CDH23: variants seen among roughly 807,000 people sequenced by gnomAD.
CDH23 encodes the protein cadherin-23.
A neutral mutation model predicts 317.1 loss-of-function variants in CDH23; 189 were observed. The observed-to-expected ratio is 0.60, with a 90% CI of 0.53 to 0.67. The LOEUF (loss-of-function observed/expected upper bound fraction) is 0.67, where lower values mean the gene tolerates loss of function less well. Ranked by LOEUF, CDH23 falls within the 30% of genes least tolerant of loss-of-function variation. The pLI, the probability that CDH23 is intolerant of heterozygous loss-of-function variation, is 0.00. For synonymous variants in CDH23, 1,839 were observed against 1,876.8 expected, an observed-to-expected ratio of 0.98 and a Z score of 0.52; for missense variants, 4,401 against 4,592.4, an observed-to-expected ratio of 0.96 and a Z score of 1.20.
chr10:71,415,679 A>T (rs1462425348), intron 1 of CDH23, among the ~76,000 whole-genome samples: 1 of 152,152 alleles, frequency 6.6e-6, no homozygotes, highest in Admixed American at 6.5e-5. Context: ...TTAGTATGTC[A>T]CAAATTTTGA....
At chr10:71,632,964 T>A (rs1862086436) in intron 11 of CDH23, among the ~76,000 whole-genome samples, 1 of 152,094 alleles carries the variant, frequency 6.6e-6, no homozygotes, top group South Asian at 2.1e-4. Flanking sequence ...AGGGCCCTCT[T>A]GCTGGTGGGG....
In CDH23 at chr10:71,646,471, G is replaced by A. The variant is rs747400662; in HGVS notation, c.1303G>A (p.Glu435Lys). 1 of 1,613,852 alleles carries A rather than the reference G, an allele frequency of 6.2e-7. No homozygotes were observed. Among genetic ancestry groups the A allele is most frequent in the Non-Finnish European group, 8.5e-7 (1 of 1,179,842 alleles). Residue 435 changes from glutamate to lysine, a missense_variant, in exon 14 of 70, where the codon GAG (glutamate) becomes AAG (lysine). By Grantham distance (56) the Glu-to-Lys change is moderately conservative. This residue lies in a region of CDH23 where 3,068 missense variants were observed against 3,203.3 expected (regional missense o/e 0.96). Transcript: ENST00000224721. Reference sequence around the variant, plus strand: ...TCTGCACCCCCAGCTCTTTGCCAATGAGAGTGTGCCTGACCATGTGGGCTA... The same window carrying A: ...TCTGCACCCCCAGCTCTTTGCCAATAAGAGTGTGCCTGACCATGTGGGCTA... ...DRYDFDLFANESVPDHVGYAK... is the reference protein window; with the variant it reads ...DRYDFDLFANKSVPDHVGYAK...
intron 9 of CDH23, among the ~76,000 whole-genome samples, chr10:71,602,418 C>T (rs1388573715): frequency 6.6e-6 from 1 of 152,160 alleles, no homozygotes; most frequent in Non-Finnish European, 1.5e-5. Flanking sequence ...AAGGCAAAGT[C>T]ACTTGCCCAA....
intron 1 of CDH23, among the ~76,000 whole-genome samples, chr10:71,431,441 T>C (rs2131981857): frequency 6.6e-6 from 1 of 152,298 alleles, no homozygotes; most frequent in East Asian, 1.9e-4. Context: ...GCCTGGATAG[T>C]GTGGGCTTTG....
Position 71,446,307 on chromosome 10 carries a change from C to CT in CDH23, c.68-10dup. On this transcript the variant is annotated splice_polypyrimidine_tract_variant and intron_variant, in intron 2 of 69. Transcript: ENST00000224721. ...GGTACTTGGCTGACGCTCTTGTCCT[C>CT]TGACTTCCAGGCCAGGTGAACCGGC... 1 of 1,614,002 alleles carries CT rather than the reference C, an allele frequency of 6.2e-7. No homozygotes were observed. Among genetic ancestry groups the CT allele is most frequent in the Non-Finnish European group, 8.5e-7 (1 of 1,179,828 alleles).
chr10:71,509,139 T>G (rs1468168087), intron 3 of CDH23, among the ~76,000 whole-genome samples: 1 of 152,222 alleles, frequency 6.6e-6, no homozygotes, highest in Non-Finnish European at 1.5e-5. Context: ...GGATGGGAAC[T>G]AGACCTTGTC....
intron 26 of CDH23, chr10:71,707,347 T>G (rs1564746139): frequency 1.4e-6 from 2 of 1,401,932 alleles, no homozygotes; most frequent in Non-Finnish European, 1.9e-6. Context: ...CCATGATTCC[T>G]AGGGAGGAGC....
intron 15 of CDH23, among the ~76,000 whole-genome samples, chr10:71,675,394 G>A (rs1052316646): frequency 2.0e-5 from 3 of 152,188 alleles, no homozygotes; most frequent in African/African-American, 7.2e-5. Context: ...CTGGGGCACA[G>A]CTTATCTGAC....
intron 6 of CDH23, chr10:71,512,156 C>T (rs1854028019): frequency 6.6e-6 from 1 of 152,178 alleles, no homozygotes; most frequent in Non-Finnish European, 1.5e-5. Context: ...TGCCCGAGGT[C>T]GCACAGCTTT....
intron 46 of CDH23, 94 bp downstream of exon 46, chr10:71,790,507 C>A: frequency 1.4e-6 from 2 of 1,481,044 alleles, no homozygotes; most frequent in Admixed American, 2.0e-5. Flanking sequence ...CAGTGCTGGA[C>A]CCAGGCTGTC....
At chr10:71,481,383 C>A (rs1852055901) in intron 3 of CDH23, among the ~76,000 whole-genome samples, 1 of 152,082 alleles carries the variant, frequency 6.6e-6, no homozygotes, top group Non-Finnish European at 1.5e-5. Flanking sequence ...CCTTGGGAGT[C>A]AGGAAATGGG....
chr10:71,780,676 C>G (rs1840928692), intron 41 of CDH23, among the ~76,000 whole-genome samples: 1 of 152,114 alleles, frequency 6.6e-6, no homozygotes, highest in African/African-American at 2.4e-5. Flanking sequence ...GGTGGGAACC[C>G]TAAGAGGGCT....
chr10:71,537,261 T>A (rs951170515), intron 6 of CDH23, among the ~76,000 whole-genome samples: 1 of 152,130 alleles, frequency 6.6e-6, no homozygotes, highest in African/African-American at 2.4e-5. Context: ...CCTAGAATCA[T>A]CGGTTATGTT....
At position 71,398,085 on chromosome 10, in the gene CDH23, C is replaced by T. The variant is rs1013463618; in HGVS notation, c.-6+767C>T. Among the ~76,000 whole-genome samples the T allele has an allele frequency of 1.2e-4, 18 of 152,186 alleles. 1 individual carries two copies. The highest frequency in any genetic ancestry group is 2.4e-4 in the Non-Finnish European group (16 of 68,030). ...CGAGCAGAGCCCGCGTGTTCCAAGG[C>T]AGTGACGGCGCCAGCCGGCGGGGAC... On this transcript the variant is annotated intron_variant, in intron 1 of 69. Transcript: ENST00000224721.
At chr10:71,659,872 A>G (rs1863570657) in intron 14 of CDH23, among the ~76,000 whole-genome samples, 1 of 152,100 alleles carries the variant, frequency 6.6e-6, no homozygotes, top group Non-Finnish European at 1.5e-5. Context: ...TACAGGGAGC[A>G]AAGGGATAAA....
intron 38 of CDH23, among the ~76,000 whole-genome samples, chr10:71,763,942 C>G (rs1840463644): frequency 6.6e-6 from 1 of 152,168 alleles, no homozygotes; most frequent in African/African-American, 2.4e-5. Flanking sequence ...CCAAAGGCAC[C>G]AAAGCCCCAA....
At chr10:71,574,090 C>A (rs2132386583) in intron 8 of CDH23, among the ~76,000 whole-genome samples, 1 of 152,246 alleles carries the variant, frequency 6.6e-6, no homozygotes, top group Admixed American at 6.5e-5. Flanking sequence ...CCTGTTCTGC[C>A]TCCCAGGCCA....
chr10:71,467,397 G>A (rs1052698799), intron 3 of CDH23, among the ~76,000 whole-genome samples: 1 of 152,184 alleles, frequency 6.6e-6, no homozygotes, highest in Non-Finnish European at 1.5e-5. Flanking sequence ...CTGAGGCGAG[G>A]CCTGAGAACT....
intron 11 of CDH23, chr10:71,635,243 C>T (rs542571180): frequency 3.9e-5 from 6 of 152,780 alleles, no homozygotes; most frequent in South Asian, 2.1e-4. Flanking sequence ...CTCAGGAGAA[C>T]GGAGGCTGGC....
Sources: gnomAD v4.1 joint callset for allele counts (sites outside exome capture counted in the v4.1 genomes callset) on GRCh38, gnomAD v4.1.1 for gene constraint, gnomAD v4.1.1 regional missense constraint, MANE v1.5 for transcripts, NCBI Gene and HGNC (gene_info 2026-07-23, HGNC 2026-07-21) for gene names.